The following ZNF280D variants were observed in gnomAD, a reference collection of about 807,000 sequenced individuals.
ZNF280D encodes the protein suppressor of hairy wing homolog 4.
Under a neutral mutation model 94.7 loss-of-function variants are expected in ZNF280D, and 39 were observed. The ratio of observed to expected loss-of-function variants is 0.41; its 90% CI spans 0.32 to 0.54. The LOEUF (loss-of-function observed/expected upper bound fraction) is 0.54. ZNF280D is among the 20% of genes least tolerant of loss of function. ZNF280D has a pLI of 0.22. For missense variants in ZNF280D, 1,090 were observed against 1,149.3 expected (o/e 0.95, Z 0.75); for synonymous variants, 398 against 377.6 (o/e 1.05, Z -0.63).
chr15:56,680,986 G>A (rs532789415), intron 10 of ZNF280D, among the ~76,000 whole-genome samples: 4 of 152,216 alleles, frequency 2.6e-5, no homozygotes, highest in African/African-American at 9.6e-5. Flanking sequence ...CTGTTTCAAC[G>A]TTTTATCTCA....
chr15:56,655,330 C>G (rs1288666653), intron 17 of ZNF280D, among the ~76,000 whole-genome samples: 1 of 152,170 alleles, frequency 6.6e-6, no homozygotes, highest in Admixed American at 6.5e-5. Flanking sequence ...GCCTCAGGCC[C>G]CTGAGTAGCT....
intron 13 of ZNF280D, among the ~76,000 whole-genome samples, chr15:56,672,316 T>C (rs1212201929): frequency 1.3e-5 from 2 of 152,254 alleles, no homozygotes; most frequent in East Asian, 1.9e-4. Flanking sequence ...GGCTGTGGGT[T>C]TGTCATATAT....
intron 17 of ZNF280D, among the ~76,000 whole-genome samples, chr15:56,657,392 G>A (rs1281076105): frequency 1.3e-5 from 2 of 152,062 alleles, no homozygotes; most frequent in Non-Finnish European, 2.9e-5. Context: ...CTAAAAAAGT[G>A]TTCATTCCTT....
intron 19 of ZNF280D, among the ~76,000 whole-genome samples, chr15:56,643,916 G>T (rs1345374935): frequency 6.6e-6 from 1 of 151,714 alleles, no homozygotes; most frequent in Non-Finnish European, 1.5e-5. Flanking sequence ...ATATCTAATA[G>T]GATAGAAACG....
intron 20 of ZNF280D, among the ~76,000 whole-genome samples, chr15:56,640,208 T>C (rs1480185284): frequency 3.3e-5 from 5 of 152,156 alleles, no homozygotes; most frequent in Admixed American, 6.6e-5. Context: ...CAATCAGTGC[T>C]ATACCAAGCC....
At chr15:56,732,946 G>A (rs1444002204) in intron 1 of ZNF280D, 1 of 152,306 alleles carries the variant, frequency 6.6e-6, no homozygotes, top group African/African-American at 2.4e-5. Context: ...GTGCAAACGT[G>A]GAACGACCGG....
intron 4 of ZNF280D, 57 bp downstream of exon 4, chr15:56,704,064 T>C: frequency 6.3e-7 from 1 of 1,593,554 alleles, no homozygotes; most frequent in South Asian, 1.1e-5. Flanking sequence ...GTTCACAAGT[T>C]TTTCTACTAG....
chr15:56,700,759 T>G (rs1041995113), intron 6 of ZNF280D, 174 bp downstream of exon 6: 1 of 1,497,584 alleles, frequency 6.7e-7, no homozygotes, highest in African/African-American at 1.4e-5. Context: ...CCTTCAGTTA[T>G]TACTTGGGGT....
intron 4 of ZNF280D, 101 bp downstream of exon 4, chr15:56,704,020 C>T: frequency 8.0e-7 from 1 of 1,257,664 alleles, no homozygotes; most frequent in Non-Finnish European, 1.1e-6. Context: ...TTCCTCTTTA[C>T]AGTGGAACAT....
intron 13 of ZNF280D, among the ~76,000 whole-genome samples, chr15:56,671,490 G>A (rs2054860349): frequency 6.6e-6 from 1 of 152,090 alleles, no homozygotes; most frequent in South Asian, 2.1e-4. Flanking sequence ...GGTTGTAGGT[G>A]TGCGGTTTTA....
Position 56,669,872 on chromosome 15 carries a change from T to TATATATA in ZNF280D, c.1411-916_1411-915insTATATAT, listed in dbSNP as rs1440614872. Among the ~76,000 whole-genome samples, 5 of 5,778 alleles carry TATATATA rather than the reference T, an allele frequency of 8.7e-4. 1 individual carries two copies. The highest frequency in any genetic ancestry group is 2.3e-3 in the African/African-American group (5 of 2,176). 3.8% of individuals were successfully genotyped at this position (5,778 alleles called of 152,430 possible). A position where few individuals can be genotyped will look rare whatever the true frequency, so the allele number is the denominator to read the frequency against. ...CTCATTATTTTATATATATATATAT[T>TATATATA]TTATATATATATATATTATATATAT... On this transcript the variant is annotated intron_variant, in intron 13 of 21. Coordinates refer to ENST00000267807, the MANE Select transcript of ZNF280D (RefSeq NM_017661.4).
At chr15:56,646,663 TTCCAG>T (rs2052907704) in intron 19 of ZNF280D, among the ~76,000 whole-genome samples, 1 of 152,196 alleles carries the variant, frequency 6.6e-6, no homozygotes, top group Non-Finnish European at 1.5e-5. Flanking sequence ...GTACTAAGTG[TTCCAG>T]TCCAAAGTTA....
At chr15:56,673,914 C>T (rs1315037178) in intron 13 of ZNF280D, among the ~76,000 whole-genome samples, 1 of 151,942 alleles carries the variant, frequency 6.6e-6, no homozygotes, top group Non-Finnish European at 1.5e-5. Context: ...TGTACTCCTA[C>T]CACCTCCCCA....
intron 16 of ZNF280D, among the ~76,000 whole-genome samples, chr15:56,663,536 C>T (rs1334977006): frequency 6.6e-6 from 1 of 152,020 alleles, no homozygotes; most frequent in Non-Finnish European, 1.5e-5. Context: ...GTTCGCCATT[C>T]AGTGGGATGC....
Position 56,666,257 on chromosome 15 carries a change from C to T in ZNF280D, c.1994+138G>A, listed in dbSNP as rs1596408510. On this transcript the variant is annotated intron_variant, in intron 16 of 21. Coordinates refer to ENST00000267807, the MANE Select transcript of ZNF280D (RefSeq NM_017661.4). ...CTGAGAAATAGGACCAGGCAATATC[C>T]TAAAAGTTCCTTATTGTTAGATCCT... 3 of 786,964 alleles carry T rather than the reference C, an allele frequency of 3.8e-6. No individual in the cohort carries two copies. In the East Asian group the frequency reaches 8.8e-5, roughly 23 times the overall value. 48.7% of individuals were successfully genotyped at this position (786,964 alleles called of 1,614,324 possible).
intron 20 of ZNF280D, among the ~76,000 whole-genome samples, chr15:56,640,513 G>C (rs2052577322): frequency 6.6e-6 from 1 of 152,010 alleles, no homozygotes; most frequent in Non-Finnish European, 1.5e-5. Flanking sequence ...ACTCACATTA[G>C]CTTAAACTTA....
chr15:56,666,459 C>T lies in ZNF280D; in HGVS notation c.1930G>A (p.Val644Ile), dbSNP rs1211093781. The change falls in exon 16 of 22, where the codon GTC becomes ATC. Residue 644 changes from valine (V) to isoleucine (I), a missense_variant. Val to Ile is a conservative substitution (Grantham distance 29). This residue lies in a region of ZNF280D where 577 missense variants were observed against 568.8 expected (regional missense o/e 1.01). Coordinates refer to ENST00000267807, the MANE Select transcript of ZNF280D (RefSeq NM_017661.4). The part of the protein sequence containing the change: ...KDFANHFPTY[V>I]HCSFCRYNTS... ...TTGTATCTGCAAAAACTACAGTGGA[C>T]GTACGTAGGAAAGTGGTTTGCAAAA... 3 of 1,601,846 alleles carry T rather than the reference C, an allele frequency of 1.9e-6. No homozygotes were observed. The highest frequency in any genetic ancestry group is 1.7e-6 in the Non-Finnish European group (2 of 1,176,746).
intron 6 of ZNF280D, among the ~76,000 whole-genome samples, chr15:56,694,564 CCTT>C (rs1267651401): frequency 6.6e-6 from 1 of 152,070 alleles, no homozygotes; most frequent in Non-Finnish European, 1.5e-5. Flanking sequence ...ATACGAAATA[CCTT>C]TTTTCCAAAT....
At chr15:56,643,345 A>C (rs2052722113) in intron 19 of ZNF280D, among the ~76,000 whole-genome samples, 1 of 151,822 alleles carries the variant, frequency 6.6e-6, no homozygotes, top group African/African-American at 2.4e-5. Context: ...TTTAAAAATT[A>C]AAAGCAGGTT....
Sources: gnomAD v4.1 joint callset for allele counts (sites outside exome capture counted in the v4.1 genomes callset) on GRCh38, gnomAD v4.1.1 for gene constraint, gnomAD v4.1.1 regional missense constraint, MANE v1.5 for transcripts, NCBI Gene and HGNC (gene_info 2026-07-23, HGNC 2026-07-21) for gene names.